PTGS1: variants seen among roughly 807,000 people sequenced by gnomAD.
PTGS1 encodes prostaglandin-endoperoxide synthase 1.
PTGS1 carries 40 observed loss-of-function variants against 63.0 expected under a neutral mutation model. The observed-to-expected ratio is 0.63, with a 90% CI of 0.49 to 0.83. The LOEUF (loss-of-function observed/expected upper bound fraction) is 0.83, where lower values mean the gene tolerates loss of function less well. Among genes scored for constraint, PTGS1 ranks in the 40% least tolerant of loss-of-function variants. The pLI, the probability that PTGS1 is intolerant of heterozygous loss-of-function variation, is 0.00. For synonymous variants in PTGS1, 298 were observed against 301.9 expected, an observed-to-expected ratio of 0.99 and a Z score of 0.13; for missense variants, 709 against 786.5, an observed-to-expected ratio of 0.90 and a Z score of 1.18.
chr9:122,377,424 G>A (rs555901236), intron 2 of PTGS1, among the ~76,000 whole-genome samples: 2 of 152,092 alleles, frequency 1.3e-5, no homozygotes, highest in Non-Finnish European at 1.5e-5. Context: ...TGGGGTGGTG[G>A]TCTGGGAGAA....
chr9:122,378,350 G>T, intron 3 of PTGS1, 83 bp from the exon 4 acceptor site: 1 of 1,584,966 alleles, frequency 6.3e-7, no homozygotes. Context: ...CCTGGCCCTT[G>T]TCCTCAGTGC....
chr9:122,379,554 C>T (rs545998433), intron 5 of PTGS1, among the ~76,000 whole-genome samples: 95 of 152,358 alleles, frequency 6.2e-4, no homozygotes, highest in Non-Finnish European at 1.0e-3. Flanking sequence ...TGTGCAGCCT[C>T]ATGGTTATGT....
At chr9:122,376,711 A>G (rs1837189336) in intron 2 of PTGS1, among the ~76,000 whole-genome samples, 2 of 152,204 alleles carry the variant, frequency 1.3e-5, no homozygotes, top group African/African-American at 4.8e-5. Context: ...GTGTAAGGTC[A>G]GAGATGGAGC....
intron 8 of PTGS1, among the ~76,000 whole-genome samples, chr9:122,385,368 A>G (rs1716692659): frequency 6.6e-6 from 1 of 152,052 alleles, no homozygotes; most frequent in Non-Finnish European, 1.5e-5. Flanking sequence ...CCAAGATTTG[A>G]ATCCAGGTCT....
chr9:122,371,568 T>A, intron 2 of PTGS1: 2 of 1,425,440 alleles, frequency 1.4e-6, no homozygotes, highest in South Asian at 1.5e-5. Context: ...GGGCCCCAGA[T>A]GTCTAAGCAG....
intron 2 of PTGS1, chr9:122,375,588 G>A (rs1310516390): frequency 4.1e-6 from 3 of 732,722 alleles, no homozygotes; most frequent in East Asian, 1.3e-4. Flanking sequence ...GGGAAGCGGG[G>A]GTCCCTTCTC....
chr9:122,371,016 C>G (rs1836761194), upstream of PTGS1: 1 of 1,539,814 alleles, frequency 6.5e-7, no homozygotes, highest in Admixed American at 1.9e-5. Context: ...TGGGCTGGAG[C>G]TCCGGGCAGT....
At chr9:122,383,447 T>G in intron 7 of PTGS1, 62 bp from the exon 8 acceptor site, 3 of 1,540,014 alleles carry the variant, frequency 1.9e-6, no homozygotes, top group East Asian at 2.3e-5. Context: ...TGGGAGGGAG[T>G]TGGTTGTGGG....
At chr9:122,371,660 T>C (rs1045068039) in intron 2 of PTGS1, 1 of 1,439,646 alleles carries the variant, frequency 6.9e-7, no homozygotes, top group Non-Finnish European at 9.1e-7. Context: ...ATGAGTTCCC[T>C]TTCTCCAGCC....
At chr9:122,383,974 G>C (rs913635497) in intron 8 of PTGS1, among the ~76,000 whole-genome samples, 7 of 152,174 alleles carry the variant, frequency 4.6e-5, no homozygotes, top group African/African-American at 1.7e-4. Flanking sequence ...TTGAGATCAT[G>C]AATGGGAAGG....
intron 2 of PTGS1, among the ~76,000 whole-genome samples, chr9:122,376,361 T>A (rs1352572189): frequency 7.0e-6 from 1 of 141,922 alleles, no homozygotes; most frequent in African/African-American, 3.1e-5. Flanking sequence ...TGTGTGTGTG[T>A]GTGTGTGTGT....
At chr9:122,381,789 C>A in intron 7 of PTGS1, 42 bp downstream of exon 7, 1 of 1,577,416 alleles carries the variant, frequency 6.3e-7, no homozygotes, top group Non-Finnish European at 8.7e-7. Context: ...AGGGGTCTCC[C>A]ATGGTCTTCC....
Position 122,371,053 on chromosome 9 carries a change from C to G in PTGS1, c.-32C>G. 2 of 1,583,636 alleles carry G rather than the reference C, an allele frequency of 1.3e-6. No individual in the cohort carries two copies. The highest frequency in any genetic ancestry group is 1.7e-6 in the Non-Finnish European group (2 of 1,172,358). ...TGCGAGGCGCACGCACAGGAGCCTG[C>G]ACTCTGCGTCCCGCACCCCAGCAGC... On this transcript the variant is annotated 5_prime_UTR_variant, in exon 1 of 11. Transcript: ENST00000362012.
intron 10 of PTGS1, among the ~76,000 whole-genome samples, chr9:122,391,420 T>TAC (rs1252509703): frequency 1.4e-3 from 47 of 32,450 alleles, no homozygotes; most frequent in Admixed American, 4.3e-3. Flanking sequence ...CATATATATA[T>TAC]ATATATACAT....
chr9:122,375,578 G>A (rs1837087408), intron 2 of PTGS1: 3 of 782,812 alleles, frequency 3.8e-6, no homozygotes, highest in South Asian at 5.8e-5. Context: ...AAAGCCTTAA[G>A]GGAAGCGGGG....
intron 3 of PTGS1, 73 bp from the exon 4 acceptor site, chr9:122,378,359 GC>G: frequency 1.3e-6 from 2 of 1,597,298 alleles, no homozygotes; most frequent in Non-Finnish European, 1.7e-6. Context: ...TGTCCTCAGT[GC>G]CCCATCTTCC....
In PTGS1 at chr9:122,385,040, C is replaced by A. The variant is rs564215307; in HGVS notation, c.1009+1285C>A. Among the ~76,000 whole-genome samples, 5 of 152,300 alleles carry A rather than the reference C, an allele frequency of 3.3e-5. No individual in the cohort carries two copies. The South Asian group carries it at 1.0e-3, about 32-fold the overall frequency. ...TGGCGTGATCTTGGCTCACTGCAAC[C>A]TCTGCCTCCCGGGTTCGAGCAATTC... On this transcript the variant is annotated intron_variant, in intron 8 of 10. Coordinates refer to ENST00000362012, the MANE Select transcript of PTGS1 (RefSeq NM_000962.4).
At chr9:122,372,353 G>T (rs1836856544) in intron 2 of PTGS1, among the ~76,000 whole-genome samples, 1 of 152,166 alleles carries the variant, frequency 6.6e-6, no homozygotes, top group Non-Finnish European at 1.5e-5. Context: ...AGGACGGAGG[G>T]TGCTCTAGGA....
rs1309210517 is a variant in PTGS1, at chr9:122,393,127, G to A, written c.*583G>A. ...TCTGTGCCTGCACTGAGAGGGCAAG[G>A]AAGTGGGGTGTTCTTCTTGGGACCC... is the stretch of plus-strand genomic sequence containing the variant. On this transcript the variant is annotated 3_prime_UTR_variant, in exon 11 of 11. Transcript: ENST00000362012. 6.5e-6 allele frequency: 1 copy of A among 153,364 alleles called. No individual in the cohort carries two copies. The highest frequency in any genetic ancestry group is 2.4e-5 in the African/African-American group (1 of 41,444). 9.5% of individuals were successfully genotyped at this position (153,364 alleles called of 1,614,324 possible). A position where few individuals can be genotyped will look rare whatever the true frequency, so the allele number is the denominator to read the frequency against.
Sources: allele counts gnomAD v4.1 joint callset (sites outside exome capture counted in the v4.1 genomes callset), GRCh38; gene constraint gnomAD v4.1.1; transcripts MANE v1.5; gene names NCBI Gene and HGNC (gene_info 2026-07-23, HGNC 2026-07-21).